The following MAP4K5 variants were observed in gnomAD, a reference collection of about 807,000 sequenced individuals.
MAP4K5 encodes the protein mitogen-activated protein kinase kinase kinase kinase 5.
In MAP4K5, 82 loss-of-function variants were observed where a neutral mutation model predicts 135.6. The observed-to-expected ratio is 0.60, with a 90% CI of 0.51 to 0.73. The LOEUF is 0.73. Ranked by LOEUF, MAP4K5 falls within the 30% of genes least tolerant of loss-of-function variation. The probability of loss-of-function intolerance (pLI) is 0.00; values close to 1 mark genes in which losing one functional copy is unlikely to be tolerated. For missense variants in MAP4K5, 907 were observed against 1,010.9 expected (o/e 0.90, Z 1.39); for synonymous variants, 347 against 335.0 (o/e 1.04, Z -0.39).
At chr14:50,535,557 G>A (rs1397081399), upstream of MAP4K5, among the ~76,000 whole-genome samples, 3 of 151,740 alleles carry the variant, frequency 2.0e-5, no homozygotes, top group East Asian at 5.8e-4. Flanking sequence ...TTATGATTTG[G>A]ATTTTTAAAT....
chr14:50,463,373 A>G (rs2139814131), intron 12 of MAP4K5, among the ~76,000 whole-genome samples: 1 of 152,338 alleles, frequency 6.6e-6, no homozygotes. Context: ...AACATTTTAA[A>G]GTTTTCTCTA....
At chr14:50,475,786 C>A (rs2037083416) in intron 8 of MAP4K5, among the ~76,000 whole-genome samples, 1 of 152,164 alleles carries the variant, frequency 6.6e-6, no homozygotes, top group Admixed American at 6.5e-5. Flanking sequence ...TGTCATTTAA[C>A]ACACCAGATG....
At chr14:50,514,907 CT>C (rs11307400) in intron 2 of MAP4K5, among the ~76,000 whole-genome samples, 135,758 of 138,346 alleles carry the variant, frequency 0.98, 66,605 homozygotes, top group East Asian at 1. Context: ...CATCCTTATT[CT>C]TTTTTTTTTT....
rs1282669052 is a variant in MAP4K5, at chr14:50,421,309, A to G, written c.2454-1203T>C. ...GTTTTGCTCTTGTCGCCCAGGCTGG[A>G]GTGCAATGGCGTGATCTCGGCACAC... is the stretch of plus-strand genomic sequence containing the variant. On this transcript the variant is annotated intron_variant, in intron 32 of 32. Transcript: ENST00000682126. Among the ~76,000 whole-genome samples the G allele has an allele frequency of 2.6e-5, 4 of 151,850 alleles. No individual in the cohort carries two copies. In the East Asian group the frequency reaches 7.7e-4, roughly 29 times the overall value.
chr14:50,429,132 G>C, intron 29 of MAP4K5, 60 bp downstream of exon 29: 7 of 898,810 alleles, frequency 7.8e-6, no homozygotes, highest in Non-Finnish European at 1.2e-5. Context: ...TGGTTTAACA[G>C]AATAAAAAAA....
chr14:50,467,946 C>G (rs968663340), intron 10 of MAP4K5, among the ~76,000 whole-genome samples: 11 of 152,034 alleles, frequency 7.2e-5, no homozygotes, highest in Non-Finnish European at 1.3e-4. Flanking sequence ...ACACTTTCAC[C>G]ATTCTGTTAA....
intron 12 of MAP4K5, 98 bp from the exon 13 acceptor site, chr14:50,462,879 C>T (rs2036743786): frequency 2.8e-6 from 2 of 709,466 alleles, no homozygotes; most frequent in Non-Finnish European, 5.1e-6. Flanking sequence ...CTAGCAGAGA[C>T]AAGTATATGG....
chr14:50,484,569 C>A (rs1403258487), intron 5 of MAP4K5, among the ~76,000 whole-genome samples: 3 of 152,118 alleles, frequency 2.0e-5, no homozygotes, highest in African/African-American at 7.2e-5. Context: ...TATACATATT[C>A]TTTCACAATT....
intron 8 of MAP4K5, among the ~76,000 whole-genome samples, chr14:50,475,501 T>C (rs551061306): frequency 6.6e-6 from 1 of 152,304 alleles, no homozygotes; most frequent in East Asian, 1.9e-4. Flanking sequence ...ATAACAAGGA[T>C]AGCATTCTGG....
chr14:50,525,069 C>G (rs2038233903), intron 2 of MAP4K5, among the ~76,000 whole-genome samples: 1 of 152,188 alleles, frequency 6.6e-6, no homozygotes, highest in Non-Finnish European at 1.5e-5. Flanking sequence ...AGCTCTCCTA[C>G]AAACTCTCCT....
chr14:50,482,582 T>C, intron 5 of MAP4K5, 166 bp from the exon 6 acceptor site: 1 of 485,562 alleles, frequency 2.1e-6, no homozygotes, highest in South Asian at 2.4e-5. Context: ...CTCGAGACTA[T>C]CCTGGCCAAC....
At chr14:50,502,499 G>T (rs562822901) in intron 3 of MAP4K5, among the ~76,000 whole-genome samples, 1 of 152,160 alleles carries the variant, frequency 6.6e-6, no homozygotes, top group East Asian at 1.9e-4. Flanking sequence ...ATATGAAGAC[G>T]TGGCAAAAAC....
intron 29 of MAP4K5, 76 bp downstream of exon 29, chr14:50,429,116 G>C (rs904271401): frequency 1.2e-6 from 1 of 828,404 alleles, no homozygotes; most frequent in Non-Finnish European, 1.8e-6. Flanking sequence ...TAAAAATCTT[G>C]AATTATGGTT....
chr14:50,527,958 G>A (rs1450404645), intron 2 of MAP4K5, among the ~76,000 whole-genome samples: 1 of 152,108 alleles, frequency 6.6e-6, no homozygotes, highest in East Asian at 1.9e-4. Context: ...TTGTACTACT[G>A]ATTATGAACT....
At chr14:50,452,038 T>C (rs1690121149) in intron 14 of MAP4K5, among the ~76,000 whole-genome samples, 1 of 152,170 alleles carries the variant, frequency 6.6e-6, no homozygotes, top group South Asian at 2.1e-4. Flanking sequence ...GATACTCTCT[T>C]GAGATGCTGG....
chr14:50,483,399 C>T (rs1373198673), intron 5 of MAP4K5, among the ~76,000 whole-genome samples: 2 of 152,140 alleles, frequency 1.3e-5, no homozygotes, highest in African/African-American at 2.4e-5. Context: ...GAAACCAAAT[C>T]AGGTAGTCAT....
At chr14:50,474,879 T>TC (rs2037060847) in intron 9 of MAP4K5, among the ~76,000 whole-genome samples, 198 bp downstream of exon 9, 1 of 152,364 alleles carries the variant, frequency 6.6e-6, no homozygotes, top group Admixed American at 6.5e-5. Context: ...TAAAAATTAT[T>TC]AGCACTTCTA....
At chr14:50,546,381 C>T (rs942027107) in intron 1 of MAP4K5, among the ~76,000 whole-genome samples, 36 of 150,254 alleles carry the variant, frequency 2.4e-4, no homozygotes, top group East Asian at 5.8e-4. Flanking sequence ...TGTGTGTGTG[C>T]GTGTGTGTGT....
intron 13 of MAP4K5, among the ~76,000 whole-genome samples, chr14:50,460,474 C>T (rs58859030): frequency 0.062 from 9,480 of 152,196 alleles, 283 homozygotes; most frequent in Middle Eastern, 0.078. Context: ...ATTTACATAA[C>T]TAGTGAAAGG....
Sources: gnomAD v4.1 joint callset for allele counts (sites outside exome capture counted in the v4.1 genomes callset) on GRCh38, gnomAD v4.1.1 for gene constraint, MANE v1.5 for transcripts, NCBI Gene and HGNC (gene_info 2026-07-23, HGNC 2026-07-21) for gene names.